Variants in IGSF21 observed in about 807,000 individuals in gnomAD.
IGSF21 encodes immunoglobulin superfamily member 21.
Under a neutral mutation model 46.8 loss-of-function variants are expected in IGSF21, and 28 were observed. The ratio of observed to expected loss-of-function variants is 0.60; its 90% CI spans 0.44 to 0.82. IGSF21 has a LOEUF of 0.82. IGSF21 is among the 40% of genes least tolerant of loss of function. The pLI is 0.00. For missense variants in IGSF21, 624 were observed against 665.5 expected, an observed-to-expected ratio of 0.94 and a Z score of 0.69; for synonymous variants, 284 against 273.6, an observed-to-expected ratio of 1.04 and a Z score of -0.38.
intron 1 of IGSF21, among the ~76,000 whole-genome samples, chr1:18,177,808 G>A (rs755341526): frequency 1.2e-4 from 19 of 152,062 alleles, no homozygotes; most frequent in South Asian, 2.1e-4. Flanking sequence ...CGGTATGCCC[G>A]TTGTCTTCAA....
chr1:18,378,334 C>G lies in IGSF21; in HGVS notation c.*8C>G. 6.2e-7 allele frequency: 1 copy of G among 1,612,526 alleles called. No homozygotes were observed. The highest frequency in any genetic ancestry group is 8.5e-7 in the Non-Finnish European group (1 of 1,179,020). Reference sequence around the variant, plus strand: ...ATTCTGGAGCTGACGTGAAGGCACCCGCCCCGGCCACTCCATCAGGCACTG... The same window carrying G: ...ATTCTGGAGCTGACGTGAAGGCACCGGCCCCGGCCACTCCATCAGGCACTG... On this transcript the variant is annotated 3_prime_UTR_variant, in exon 10 of 10. Coordinates refer to ENST00000251296, the MANE Select transcript of IGSF21 (RefSeq NM_032880.5).
At chr1:18,247,427 GA>G (rs1159030253) in intron 2 of IGSF21, among the ~76,000 whole-genome samples, 1 of 152,118 alleles carries the variant, frequency 6.6e-6, no homozygotes, top group Non-Finnish European at 1.5e-5. Flanking sequence ...TGGTGGCAGG[GA>G]ATGAGGGTGC....
At chr1:18,217,397 G>C (rs888935137) in intron 1 of IGSF21, among the ~76,000 whole-genome samples, 1 of 152,102 alleles carries the variant, frequency 6.6e-6, no homozygotes, top group African/African-American at 2.4e-5. Flanking sequence ...GACACTTCTG[G>C]GCCAAAATAA....
chr1:18,291,774 C>T, intron 2 of IGSF21, 92 bp from the exon 3 acceptor site: 1 of 1,478,798 alleles, frequency 6.8e-7, no homozygotes, highest in East Asian at 2.3e-5. Context: ...TTCTTCTGGG[C>T]TTCCTGCCTG....
intron 1 of IGSF21, among the ~76,000 whole-genome samples, chr1:18,151,334 A>C (rs534818710): frequency 1.3e-5 from 2 of 152,356 alleles, no homozygotes; most frequent in East Asian, 1.9e-4. Flanking sequence ...TCCCCTGAGC[A>C]CTCACATCCA....
chr1:18,228,711 A>G (rs534750652), intron 2 of IGSF21, among the ~76,000 whole-genome samples: 3 of 152,246 alleles, frequency 2.0e-5, no homozygotes, highest in South Asian at 2.1e-4. Flanking sequence ...TTTTCTTCCA[A>G]TGCATGCTTG....
At chr1:18,115,838 GAAGGAAGAAAGAAAGAAAGAAAGAAAGA>G (rs2086182922) in intron 1 of IGSF21, 3 of 100,386 alleles carry the variant, frequency 3.0e-5, no homozygotes, top group African/African-American at 4.5e-5. Flanking sequence ...AGGAAGGAAG[GAAGGAAGAAAGAAAGAAAGAAAGAAAGA>G]AAGAAAGAAA....
At chr1:18,317,415 AC>A (rs1253410869) in intron 3 of IGSF21, among the ~76,000 whole-genome samples, 1 of 152,094 alleles carries the variant, frequency 6.6e-6, no homozygotes, top group Non-Finnish European at 1.5e-5. Context: ...CTGAGGTTTG[AC>A]CCCAAGTCTG....
intron 2 of IGSF21, among the ~76,000 whole-genome samples, chr1:18,267,062 C>T (rs765194629): frequency 6.6e-6 from 1 of 152,200 alleles, no homozygotes; most frequent in South Asian, 2.1e-4. Context: ...GAGCCCATGG[C>T]CCCTGGCTGT....
intron 1 of IGSF21, among the ~76,000 whole-genome samples, chr1:18,201,958 G>A (rs764522684): frequency 5.3e-5 from 8 of 152,060 alleles, no homozygotes; most frequent in East Asian, 3.8e-4. Context: ...TCCTCCCTCC[G>A]TTCCTGACCC....
intron 2 of IGSF21, among the ~76,000 whole-genome samples, chr1:18,272,919 A>G (rs2085056398): frequency 1.3e-5 from 2 of 152,070 alleles, no homozygotes; most frequent in South Asian, 2.1e-4. Context: ...AATGGACAAG[A>G]GGCCCAGCCT....
chr1:18,259,723 G>A (rs1023213311), intron 2 of IGSF21, among the ~76,000 whole-genome samples: 8 of 152,216 alleles, frequency 5.3e-5, no homozygotes, highest in African/African-American at 1.9e-4. Flanking sequence ...GTACACACGT[G>A]TATAGGCTGC....
intron 2 of IGSF21, among the ~76,000 whole-genome samples, chr1:18,259,285 A>T (rs561345574): frequency 6.6e-6 from 1 of 152,160 alleles, no homozygotes; most frequent in Admixed American, 6.5e-5. Context: ...TCTAAGTCTC[A>T]ATTTCTTCAT....
At chr1:18,314,670 C>T (rs147783690) in intron 3 of IGSF21, among the ~76,000 whole-genome samples, 38 of 152,296 alleles carry the variant, frequency 2.5e-4, no homozygotes, top group African/African-American at 8.2e-4. Flanking sequence ...GAAGCTGGGA[C>T]CCAGCCAGGG....
At chr1:18,187,598 G>A (rs2086916154) in intron 1 of IGSF21, among the ~76,000 whole-genome samples, 1 of 152,110 alleles carries the variant, frequency 6.6e-6, no homozygotes, top group African/African-American at 2.4e-5. Context: ...ATCTCCCACT[G>A]GGACCCTCCC....
chr1:18,232,823 G>A (rs536000917), intron 2 of IGSF21, among the ~76,000 whole-genome samples: 9 of 152,320 alleles, frequency 5.9e-5, no homozygotes, highest in Admixed American at 5.9e-4. Context: ...GACAGACCAT[G>A]CTATGTAGCC....
At chr1:18,239,352 G>T (rs1367716905) in intron 2 of IGSF21, among the ~76,000 whole-genome samples, 1 of 151,908 alleles carries the variant, frequency 6.6e-6, no homozygotes, top group Admixed American at 6.6e-5. Flanking sequence ...TTCCTTGTTG[G>T]GTGTGAGCTC....
At chr1:18,361,928 CTA>C in intron 4 of IGSF21, 185 bp from the exon 5 acceptor site, 1 of 585,100 alleles carries the variant, frequency 1.7e-6, no homozygotes, top group South Asian at 2.1e-5. Flanking sequence ...GGGCTCTTGT[CTA>C]TATTCCCAGC....
intron 2 of IGSF21, among the ~76,000 whole-genome samples, chr1:18,239,816 A>C (rs1412837272): frequency 1.3e-5 from 2 of 150,694 alleles, no homozygotes; most frequent in Admixed American, 6.6e-5. Flanking sequence ...CTTCTTCCAC[A>C]TTCAACTGCC....
Sources: allele counts gnomAD v4.1 joint callset (sites outside exome capture counted in the v4.1 genomes callset), GRCh38; gene constraint gnomAD v4.1.1; transcripts MANE v1.5; gene names NCBI Gene and HGNC (gene_info 2026-07-23, HGNC 2026-07-21).